The following LRRC7 variants were observed in gnomAD, a reference collection of about 807,000 sequenced individuals.
The protein encoded by LRRC7 is leucine rich repeat containing 7.
In LRRC7, 23 loss-of-function variants were observed where a neutral mutation model predicts 175.7. The observed-to-expected ratio is 0.13, with a 90% CI of 0.09 to 0.19. The LOEUF is 0.19. Ranked by LOEUF, LRRC7 falls within the 10% of genes least tolerant of loss-of-function variation. The pLI is 1.00. For synonymous variants in LRRC7, 685 were observed against 680.9 expected (o/e 1.01, Z -0.09); for missense variants, 1,354 against 1,904.7 (o/e 0.71, Z 5.38).
intron 4 of LRRC7, among the ~76,000 whole-genome samples, chr1:69,808,143 T>C (rs1166206549): frequency 1.3e-5 from 2 of 151,710 alleles, no homozygotes. Context: ...GTTTTTAAGC[T>C]CCATCAGGTC....
chr1:69,945,301 A>C (rs1649189620), intron 8 of LRRC7, among the ~76,000 whole-genome samples: 1 of 152,052 alleles, frequency 6.6e-6, no homozygotes, highest in Admixed American at 6.6e-5. Flanking sequence ...ATTGAAGATC[A>C]GTTCATTAGT....
intron 1 of LRRC7, among the ~76,000 whole-genome samples, chr1:69,657,457 G>A (rs551212001): frequency 5.3e-4 from 81 of 151,802 alleles, no homozygotes; most frequent in African/African-American, 1.8e-3. Context: ...AAATTTATCC[G>A]TATCATCCGA....
intron 26 of LRRC7, among the ~76,000 whole-genome samples, chr1:70,109,465 T>A (rs1463482906): frequency 2.0e-5 from 3 of 152,226 alleles, no homozygotes; most frequent in African/African-American, 7.2e-5. Flanking sequence ...CCTGAGTTCA[T>A]TCTATGCAGG....
intron 2 of LRRC7, among the ~76,000 whole-genome samples, chr1:69,749,255 G>A (rs915702240): frequency 1.3e-5 from 2 of 152,176 alleles, no homozygotes; most frequent in Non-Finnish European, 2.9e-5. Context: ...GTTTGTATAT[G>A]CCACTACTTA....
At chr1:69,568,764 CTT>C in intron 1 of LRRC7, 123 bp downstream of exon 1, 2 of 586,818 alleles carry the variant, frequency 3.4e-6, no homozygotes, top group Non-Finnish European at 4.7e-6. Flanking sequence ...GGGCGGGAGG[CTT>C]CGGCGCTCGC....
chr1:70,101,112 AAAG>A (rs1664775661), intron 25 of LRRC7, among the ~76,000 whole-genome samples: 1 of 152,136 alleles, frequency 6.6e-6, no homozygotes, highest in Non-Finnish European at 1.5e-5. Context: ...CCACATTATG[AAAG>A]AAGATTAATA....
chr1:69,583,338 A>G (rs920502118), intron 1 of LRRC7, among the ~76,000 whole-genome samples: 4 of 152,084 alleles, frequency 2.6e-5, no homozygotes, highest in Non-Finnish European at 5.9e-5. Context: ...CTAAAATATG[A>G]AATATAATCT....
chr1:69,896,384 A>T (rs1645980020), intron 7 of LRRC7, among the ~76,000 whole-genome samples: 1 of 152,186 alleles, frequency 6.6e-6, no homozygotes, highest in African/African-American at 2.4e-5. Context: ...TCTATCAAAC[A>T]CTACATCTTA....
chr1:69,984,026 A>T (rs1382133742), intron 9 of LRRC7, among the ~76,000 whole-genome samples: 1 of 152,074 alleles, frequency 6.6e-6, no homozygotes, highest in Admixed American at 6.5e-5. Context: ...CCAGGGTTCA[A>T]CTGATTCTCC....
At chr1:69,847,634 T>C (rs1173442738) in intron 7 of LRRC7, among the ~76,000 whole-genome samples, 1 of 152,050 alleles carries the variant, frequency 6.6e-6, no homozygotes, top group African/African-American at 2.4e-5. Flanking sequence ...AAAGTAGAAC[T>C]ATCCATCTCA....
rs111836568 is a variant in LRRC7 at position 70,137,020 on chromosome 1, C to T, written c.*15133C>T. On this transcript the variant is annotated 3_prime_UTR_variant, in exon 27 of 27. Transcript: ENST00000651989. ...GATGATAGGCATGAGCCACCATCCT[C>T]GGCTCTATTGCTTTTATAATATGAC... Among the ~76,000 whole-genome samples, 11 of 152,176 alleles carry T rather than the reference C, an allele frequency of 7.2e-5. No individual in the cohort carries two copies. In the South Asian group the frequency reaches 1.2e-3, roughly 17 times the overall value.
chr1:69,662,431 C>T (rs867814378), intron 1 of LRRC7, among the ~76,000 whole-genome samples: 4 of 152,092 alleles, frequency 2.6e-5, no homozygotes, highest in Admixed American at 6.6e-5. Flanking sequence ...TTCCTAAATG[C>T]GTGACATGGC....
At chr1:70,046,473 C>G (rs914186071) in intron 22 of LRRC7, among the ~76,000 whole-genome samples, 6 of 151,978 alleles carry the variant, frequency 3.9e-5, no homozygotes, top group Non-Finnish European at 5.9e-5. Context: ...AAGACTCCAC[C>G]TCAAAATAAA....
chr1:69,950,473 A>C (rs900956418), intron 8 of LRRC7, among the ~76,000 whole-genome samples: 2 of 152,152 alleles, frequency 1.3e-5, no homozygotes, highest in South Asian at 4.1e-4. Flanking sequence ...AACTGAAATA[A>C]GACTACCAGA....
At chr1:70,120,151 C>T (rs1205193503) in intron 26 of LRRC7, among the ~76,000 whole-genome samples, 1 of 151,982 alleles carries the variant, frequency 6.6e-6, no homozygotes, top group South Asian at 2.1e-4. Context: ...TCAAATGTAA[C>T]CTCATTGTCT....
At chr1:69,796,636 G>A (rs1223397464) in intron 4 of LRRC7, among the ~76,000 whole-genome samples, 1 of 151,738 alleles carries the variant, frequency 6.6e-6, no homozygotes, top group African/African-American at 2.4e-5. Flanking sequence ...AATACAACAA[G>A]AAGAAAAATT....
intron 2 of LRRC7, among the ~76,000 whole-genome samples, chr1:69,692,320 T>C (rs1257111711): frequency 1.3e-5 from 2 of 152,182 alleles, no homozygotes; most frequent in Admixed American, 6.5e-5. Context: ...AGAAATGATA[T>C]AAGAAGTCAA....
chr1:69,921,448 TA>T (rs1389264952), intron 7 of LRRC7, among the ~76,000 whole-genome samples: 4 of 152,180 alleles, frequency 2.6e-5, no homozygotes, highest in Non-Finnish European at 4.4e-5. Flanking sequence ...ATCTCCACCT[TA>T]GATTTATTCC....
In LRRC7 at chr1:69,746,344, A is replaced by G. The variant is rs116320348; in HGVS notation, c.101-13847A>G. On this transcript the variant is annotated intron_variant, in intron 2 of 26. Coordinates refer to ENST00000651989, the MANE Select transcript of LRRC7 (RefSeq NM_001370785.2). ...GCTCCAGTAGTTTATTATAATCACTATGTGCATGGCTCAAAAACACTGGGA... is the reference window on the plus strand; with the variant it reads ...GCTCCAGTAGTTTATTATAATCACTGTGTGCATGGCTCAAAAACACTGGGA... Among the ~76,000 whole-genome samples the G allele has an allele frequency of 6.3e-3, 961 of 152,054 alleles. 3 individuals carry two copies. The highest frequency in any genetic ancestry group is 0.022 in the African/African-American group (909 of 41,482).
Sources: gnomAD v4.1 joint callset for allele counts (sites outside exome capture counted in the v4.1 genomes callset) on GRCh38, gnomAD v4.1.1 for gene constraint, MANE v1.5 for transcripts, NCBI Gene and HGNC (gene_info 2026-07-23, HGNC 2026-07-21) for gene names.